PTPRK: variants seen among roughly 807,000 people sequenced by gnomAD.
PTPRK encodes the protein protein tyrosine phosphatase receptor type K, also known as receptor-type tyrosine-protein phosphatase kappa.
In PTPRK, 75 loss-of-function variants were observed where a neutral mutation model predicts 178.0. The ratio of observed to expected loss-of-function variants is 0.42; its 90% CI spans 0.35 to 0.51. The LOEUF (loss-of-function observed/expected upper bound fraction) is 0.51, where lower values mean the gene tolerates loss of function less well. Ranked by LOEUF, PTPRK falls within the 20% of genes least tolerant of loss-of-function variation. The pLI is 0.02. For missense variants in PTPRK, 1,441 were observed against 1,797.8 expected, an observed-to-expected ratio of 0.80 and a Z score of 3.59; for synonymous variants, 637 against 620.6, an observed-to-expected ratio of 1.03 and a Z score of -0.39.
chr6:128,324,435 G>A (rs1358564185), intron 2 of PTPRK, among the ~76,000 whole-genome samples: 2 of 151,918 alleles, frequency 1.3e-5, no homozygotes, highest in African/African-American at 4.8e-5. Flanking sequence ...GTACCCTTAA[G>A]CTACAATAAT....
At chr6:128,036,414 A>G (rs1272960777) in intron 13 of PTPRK, among the ~76,000 whole-genome samples, 1 of 152,234 alleles carries the variant, frequency 6.6e-6, no homozygotes, top group Non-Finnish European at 1.5e-5. Context: ...ACAATAAAAT[A>G]ATTTGTTAAG....
intron 3 of PTPRK, among the ~76,000 whole-genome samples, chr6:128,254,590 A>G (rs540227832): frequency 6.6e-6 from 1 of 152,330 alleles, no homozygotes. Context: ...GCAGAAGATG[A>G]ACTCAAATTT....
At chr6:128,128,574 G>A (rs1175745047) in intron 7 of PTPRK, among the ~76,000 whole-genome samples, 1 of 152,210 alleles carries the variant, frequency 6.6e-6, no homozygotes, top group Non-Finnish European at 1.5e-5. Context: ...CTTCTCAAAA[G>A]AGAGTACTTG....
At chr6:128,324,043 T>C (rs1556886) in intron 2 of PTPRK, among the ~76,000 whole-genome samples, 147,786 of 152,192 alleles carry the variant, frequency 0.97, 71,892 homozygotes, top group East Asian at 1. Flanking sequence ...CTTTCAGATT[T>C]GCCACTGCAT....
At chr6:128,352,942 C>CTTTTGT (rs1178618513) in intron 2 of PTPRK, among the ~76,000 whole-genome samples, 2 of 151,972 alleles carry the variant, frequency 1.3e-5, no homozygotes, top group African/African-American at 4.8e-5. Flanking sequence ...TCATTTTTTA[C>CTTTTGT]AAATGTATAC....
intron 13 of PTPRK, among the ~76,000 whole-genome samples, chr6:128,047,124 A>T (rs993684465): frequency 6.6e-6 from 1 of 152,160 alleles, no homozygotes. Flanking sequence ...ACAAAACATG[A>T]TCAGTGCTGG....
At chr6:127,974,926 A>T (rs1774352502) in intron 27 of PTPRK, among the ~76,000 whole-genome samples, 1 of 152,214 alleles carries the variant, frequency 6.6e-6, no homozygotes, top group African/African-American at 2.4e-5. Flanking sequence ...AAATATCAGG[A>T]AGAATATGTA....
At chr6:128,415,577 A>T (rs1023457014) in intron 1 of PTPRK, among the ~76,000 whole-genome samples, 55 of 152,134 alleles carry the variant, frequency 3.6e-4, no homozygotes, top group Non-Finnish European at 1.8e-4. Context: ...CTTGAGGATA[A>T]TGTCCATTTG....
At chr6:127,985,311 G>A (rs181818070) in intron 22 of PTPRK, among the ~76,000 whole-genome samples, 1 of 152,146 alleles carries the variant, frequency 6.6e-6, no homozygotes, top group African/African-American at 2.4e-5. Context: ...TGCAATTTAG[G>A]CCATTTAGTA....
intron 29 of PTPRK, among the ~76,000 whole-genome samples, chr6:127,972,512 CATG>C (rs1276895941): frequency 4.6e-4 from 70 of 152,184 alleles, no homozygotes; most frequent in Non-Finnish European, 9.0e-4. Context: ...GCTCAAGTAG[CATG>C]ATATGAACTG....
At chr6:128,019,046 A>G (rs900525771) in intron 13 of PTPRK, among the ~76,000 whole-genome samples, 3 of 152,186 alleles carry the variant, frequency 2.0e-5, no homozygotes, top group Non-Finnish European at 2.9e-5. Context: ...CTGGTATTAC[A>G]GAAGAGGCAC....
chr6:128,018,799 T>C (rs1386136173), intron 13 of PTPRK, among the ~76,000 whole-genome samples: 4 of 152,040 alleles, frequency 2.6e-5, no homozygotes, highest in African/African-American at 7.2e-5. Flanking sequence ...AGAAGCAGCA[T>C]TAGATGGAGG....
intron 4 of PTPRK, 39 bp from the exon 5 acceptor site, chr6:128,240,189 A>G (rs371953862): frequency 5.6e-6 from 8 of 1,434,716 alleles, no homozygotes; most frequent in Non-Finnish European, 4.9e-6. Context: ...TTGTTTTCAC[A>G]TGAAGAAAAT....
chr6:128,172,761 A>G (rs1444749297), intron 7 of PTPRK, among the ~76,000 whole-genome samples: 1 of 151,784 alleles, frequency 6.6e-6, no homozygotes, highest in African/African-American at 2.4e-5. Context: ...TAAGTGTGTA[A>G]CATGTACATA....
intron 1 of PTPRK, among the ~76,000 whole-genome samples, chr6:128,482,282 G>A (rs905578794): frequency 2.6e-5 from 4 of 152,084 alleles, no homozygotes; most frequent in African/African-American, 4.8e-5. Context: ...AATACATTTC[G>A]GAGTTGCATC....
intron 7 of PTPRK, among the ~76,000 whole-genome samples, chr6:128,167,442 G>GT (rs1442311304): frequency 6.6e-6 from 1 of 151,764 alleles, no homozygotes; most frequent in Non-Finnish European, 1.5e-5. Context: ...TATTATTCTA[G>GT]TTTTTTTCAT....
chr6:127,981,158 A>C lies in PTPRK; in HGVS notation c.3669T>G (p.Ile1223Met). The C allele has an allele frequency of 1.9e-6, 3 of 1,613,976 alleles. No homozygotes were observed. The highest frequency in any genetic ancestry group is 1.7e-6 in the Non-Finnish European group (2 of 1,179,976). ...PDRCLPFLIT[I>M]DGESSNYINA... ...TGATGTAGTTACTGCTCTCCCCATC[A>C]ATTGTAATTAAAAAAGGCAGACATC... The change falls in exon 25 of 30, where the codon ATT becomes ATG. Residue 1223 changes from isoleucine to methionine, a missense_variant. Physicochemically the swap from Ile to Met is conservative, Grantham distance 10. Transcript: ENST00000368226.
chr6:128,170,304 T>TA (rs1042871291), intron 7 of PTPRK, among the ~76,000 whole-genome samples: 1 of 152,068 alleles, frequency 6.6e-6, no homozygotes, highest in Non-Finnish European at 1.5e-5. Flanking sequence ...ACGCTTAATT[T>TA]ATACCTATCC....
chr6:128,117,886 C>CA (rs1304668453), intron 7 of PTPRK, among the ~76,000 whole-genome samples: 2 of 152,204 alleles, frequency 1.3e-5, no homozygotes, highest in Non-Finnish European at 2.9e-5. Context: ...CTCCTGACCT[C>CA]AGGCAATCCA....
Sources: gnomAD v4.1 joint callset for allele counts (sites outside exome capture counted in the v4.1 genomes callset) on GRCh38, gnomAD v4.1.1 for gene constraint, MANE v1.5 for transcripts, NCBI Gene and HGNC (gene_info 2026-07-23, HGNC 2026-07-21) for gene names.